Variants in GRID2 observed in about 807,000 individuals in gnomAD.
The protein encoded by GRID2 is glutamate ionotropic receptor delta type subunit 2, also known as glutamate receptor ionotropic, delta-2.
In GRID2, 33 loss-of-function variants were observed where a neutral mutation model predicts 114.8. The observed-to-expected ratio is 0.29, with a 90% CI of 0.22 to 0.38. The LOEUF is 0.38. Among genes scored for constraint, GRID2 ranks in the 10% least tolerant of loss-of-function variants. GRID2 has a pLI of 1.00. For synonymous variants in GRID2, 505 were observed against 449.9 expected (o/e 1.12, Z -1.55); for missense variants, 1,184 against 1,257.7 (o/e 0.94, Z 0.89).
At chr4:92,351,353 TA>T (rs1728061500) in intron 1 of GRID2, among the ~76,000 whole-genome samples, 1 of 151,836 alleles carries the variant, frequency 6.6e-6, no homozygotes, top group South Asian at 2.1e-4. Context: ...TACAGTCCTT[TA>T]AAAGCTTTAT....
chr4:93,449,306 T>A (rs1427448252), intron 10 of GRID2, among the ~76,000 whole-genome samples: 1 of 152,150 alleles, frequency 6.6e-6, no homozygotes, highest in East Asian at 2.0e-4. Context: ...TATTTAAAGT[T>A]GAAATGAAAG....
At chr4:92,307,763 C>G (rs924217028) in intron 1 of GRID2, among the ~76,000 whole-genome samples, 6 of 152,040 alleles carry the variant, frequency 3.9e-5, no homozygotes, top group African/African-American at 1.2e-4. Context: ...TAATACACAT[C>G]CACACACAGA....
At chr4:93,002,443 C>G (rs1459043081) in intron 2 of GRID2, among the ~76,000 whole-genome samples, 1 of 151,198 alleles carries the variant, frequency 6.6e-6, no homozygotes, top group South Asian at 2.1e-4. Flanking sequence ...TGACTTCATT[C>G]TGGTCATGTT....
chr4:92,813,159 A>T (rs1429644865), intron 2 of GRID2, among the ~76,000 whole-genome samples: 2 of 152,126 alleles, frequency 1.3e-5, no homozygotes, highest in African/African-American at 4.8e-5. Context: ...AATTATGATA[A>T]AAATATATTT....
At chr4:92,537,640 A>G (rs138472696) in intron 1 of GRID2, among the ~76,000 whole-genome samples, 85 of 152,300 alleles carry the variant, frequency 5.6e-4, no homozygotes, top group African/African-American at 1.9e-3. Flanking sequence ...ATGTTTTAAT[A>G]GGCTTGTTCT....
chr4:92,384,123 GTA>G (rs935911816), intron 1 of GRID2, among the ~76,000 whole-genome samples: 2 of 151,280 alleles, frequency 1.3e-5, no homozygotes, highest in African/African-American at 4.9e-5. Context: ...GGCAGTGTGT[GTA>G]TATGTGTGTG....
intron 2 of GRID2, among the ~76,000 whole-genome samples, chr4:92,914,882 G>A (rs1748662985): frequency 6.6e-6 from 1 of 152,080 alleles, no homozygotes; most frequent in African/African-American, 2.4e-5. Flanking sequence ...CTATGAATAT[G>A]TGTACATGAG....
At chr4:92,587,741 C>G in intron 1 of GRID2, among the ~76,000 whole-genome samples, 1 of 152,122 alleles carries the variant, frequency 6.6e-6, no homozygotes, top group East Asian at 1.9e-4. Context: ...AAAGGATTGA[C>G]TAATGTGCTA....
At chr4:92,493,904 T>A (rs1723266517) in intron 1 of GRID2, among the ~76,000 whole-genome samples, 1 of 152,166 alleles carries the variant, frequency 6.6e-6, no homozygotes, top group African/African-American at 2.4e-5. Flanking sequence ...TCACATACAT[T>A]GACTTAACAC....
intron 2 of GRID2, among the ~76,000 whole-genome samples, chr4:92,872,425 T>G (rs1745340876): frequency 6.6e-6 from 1 of 152,158 alleles, no homozygotes; most frequent in South Asian, 2.1e-4. Flanking sequence ...GAAAAATCCT[T>G]AATTATATAC....
chr4:93,541,268 G>GA (rs1732627993), intron 13 of GRID2, among the ~76,000 whole-genome samples: 1 of 152,092 alleles, frequency 6.6e-6, no homozygotes, highest in African/African-American at 2.4e-5. Context: ...AAAGTGCGCA[G>GA]AAATTTTCTT....
chr4:93,598,978 A>T (rs1442308248), intron 13 of GRID2, among the ~76,000 whole-genome samples: 3 of 152,300 alleles, frequency 2.0e-5, no homozygotes, highest in African/African-American at 7.2e-5. Flanking sequence ...GTTAATGCTA[A>T]TTTTTTCTTT....
chr4:92,983,270 C>T (rs1032035045), intron 2 of GRID2, among the ~76,000 whole-genome samples: 3 of 152,030 alleles, frequency 2.0e-5, no homozygotes, highest in Non-Finnish European at 4.4e-5. Context: ...GTTCCCAGCA[C>T]CTGGAGAGGA....
intron 2 of GRID2, among the ~76,000 whole-genome samples, chr4:92,664,903 A>C (rs1732694703): frequency 6.7e-6 from 1 of 149,600 alleles, no homozygotes; most frequent in Non-Finnish European, 1.5e-5. Context: ...TGTCATTTTC[A>C]ACCTATTTCT....
chr4:92,483,955 C>G (rs1722743165), intron 1 of GRID2, among the ~76,000 whole-genome samples: 1 of 152,124 alleles, frequency 6.6e-6, no homozygotes, highest in Non-Finnish European at 1.5e-5. Flanking sequence ...GTTAACCTCT[C>G]TGATATGGCA....
chr4:92,743,053 G>T (rs1445656198), intron 2 of GRID2, among the ~76,000 whole-genome samples: 2 of 152,180 alleles, frequency 1.3e-5, no homozygotes, highest in Non-Finnish European at 2.9e-5. Context: ...GAGGCAGGAA[G>T]ATCACTTGAG....
chr4:92,480,746 A>G (rs1365059449), intron 1 of GRID2, among the ~76,000 whole-genome samples: 1 of 152,128 alleles, frequency 6.6e-6, no homozygotes, highest in Non-Finnish European at 1.5e-5. Context: ...GTAACGTAAC[A>G]TTCATAGGTT....
At chr4:92,373,524 A>G (rs1369889224) in intron 1 of GRID2, among the ~76,000 whole-genome samples, 2 of 152,196 alleles carry the variant, frequency 1.3e-5, no homozygotes, top group African/African-American at 4.8e-5. Flanking sequence ...TGTAATGGCA[A>G]ATACTTCTAA....
intron 2 of GRID2, among the ~76,000 whole-genome samples, chr4:92,750,228 T>C (rs1737381936): frequency 1.3e-5 from 2 of 152,148 alleles, no homozygotes; most frequent in African/African-American, 4.8e-5. Context: ...CCACTTCCCC[T>C]TGGGAACTCT....
Sources: allele counts gnomAD v4.1 joint callset (sites outside exome capture counted in the v4.1 genomes callset), GRCh38; gene constraint gnomAD v4.1.1; transcripts MANE v1.5; gene names NCBI Gene and HGNC (gene_info 2026-07-23, HGNC 2026-07-21).